The following PTPRN2 variants were observed in gnomAD, a reference collection of about 807,000 sequenced individuals.
PTPRN2 encodes the protein protein tyrosine phosphatase receptor type N2, also known as receptor-type tyrosine-protein phosphatase N2.
A neutral mutation model predicts 118.8 loss-of-function variants in PTPRN2; 74 were observed. The observed-to-expected ratio is 0.62, with a 90% CI of 0.52 to 0.76. The LOEUF is 0.76. Among genes scored for constraint, PTPRN2 ranks in the 30% least tolerant of loss-of-function variants. The probability of loss-of-function intolerance (pLI) is 0.00; values close to 1 mark genes in which losing one functional copy is unlikely to be tolerated. For synonymous variants in PTPRN2, 641 were observed against 608.0 expected (o/e 1.05, Z -0.80); for missense variants, 1,481 against 1,394.4 (o/e 1.06, Z -0.99).
chr7:157,702,138 C>T (rs953340879), intron 12 of PTPRN2, among the ~76,000 whole-genome samples: 1 of 147,546 alleles, frequency 6.8e-6, no homozygotes, highest in East Asian at 2.0e-4. Flanking sequence ...TGTGTGAAAG[C>T]CCGGTCGGTC....
chr7:158,257,657 T>C (rs1331015161), intron 3 of PTPRN2, among the ~76,000 whole-genome samples: 1 of 152,144 alleles, frequency 6.6e-6, no homozygotes, highest in East Asian at 1.9e-4. Context: ...TCAGCCTGGG[T>C]CTCACCCACT....
chr7:158,262,674 TCA>T (rs202001119), intron 3 of PTPRN2, among the ~76,000 whole-genome samples: 16,429 of 133,796 alleles, frequency 0.12, 958 homozygotes, highest in African/African-American at 0.17. Context: ...GCACGCACAT[TCA>T]CACATACACA....
At position 157,831,914 on chromosome 7, in the gene PTPRN2, A is replaced by C. The variant is rs1401513949; in HGVS notation, c.1788+66759T>G. On this transcript the variant is annotated intron_variant, in intron 12 of 22. Coordinates refer to ENST00000389418, the MANE Select transcript of PTPRN2 (RefSeq NM_002847.5). The surrounding 1 kb of genome is among the most constrained non-coding windows in gnomAD (Gnocchi z 4.8). The stretch of plus-strand genomic sequence containing the variant: ...TGGGGGAGGGCAGTTATGGAGCTCC[A>C]GAGCGGGGTAAGTTGTTGGAAAACG... Among the ~76,000 whole-genome samples the C allele has an allele frequency of 1.3e-5, 2 of 152,236 alleles. No homozygotes were observed. The highest frequency in any genetic ancestry group is 2.4e-5 in the African/African-American group (1 of 41,458).
chr7:158,023,049 A>G (rs1807015166), intron 11 of PTPRN2, among the ~76,000 whole-genome samples: 1 of 152,228 alleles, frequency 6.6e-6, no homozygotes, highest in Admixed American at 6.5e-5. Flanking sequence ...ATAAACAAAA[A>G]TCACGGCACA....
chr7:157,767,072 C>T (rs1246652463), intron 12 of PTPRN2, among the ~76,000 whole-genome samples: 1 of 152,178 alleles, frequency 6.6e-6, no homozygotes, highest in Non-Finnish European at 1.5e-5. Context: ...ACAGCTCCCC[C>T]TGCAGGGTAG....
At chr7:157,776,439 T>TCCCTCTCCTCCTCTCTCTCCA (rs1803265084) in intron 12 of PTPRN2, among the ~76,000 whole-genome samples, 1 of 7,052 alleles carries the variant, frequency 1.4e-4, no homozygotes, top group African/African-American at 4.0e-4. Context: ...CTGTCTCTCC[T>TCCCTCTCCTCCTCTCTCTCCA]CTTCCTCACT....
chr7:157,811,332 T>TTTTATATATATATA (rs1424012856), intron 12 of PTPRN2, among the ~76,000 whole-genome samples: 3 of 131,296 alleles, frequency 2.3e-5, no homozygotes, highest in African/African-American at 8.5e-5. Context: ...ATCTACTCTA[T>TTTTATATATATATA]TATATATATA....
chr7:158,228,124 C>T (rs1203832716), intron 3 of PTPRN2, among the ~76,000 whole-genome samples: 6 of 152,160 alleles, frequency 3.9e-5, no homozygotes, highest in Non-Finnish European at 7.4e-5. Context: ...TTTACAAAGA[C>T]AGTTTAGAAA....
intron 12 of PTPRN2, among the ~76,000 whole-genome samples, chr7:157,708,941 T>A (rs777528446): frequency 2.6e-5 from 4 of 152,162 alleles, no homozygotes; most frequent in Non-Finnish European, 5.9e-5. Context: ...TACTAGAGCC[T>A]GCACCCCACC....
chr7:157,791,139 C>T (rs1420653723), intron 12 of PTPRN2, among the ~76,000 whole-genome samples: 1 of 152,122 alleles, frequency 6.6e-6, no homozygotes, highest in Non-Finnish European at 1.5e-5. Context: ...ACTCTGGCAT[C>T]GCCTGCAACA....
intron 12 of PTPRN2, among the ~76,000 whole-genome samples, chr7:157,883,684 T>C (rs1285055408): frequency 7.2e-6 from 1 of 138,728 alleles, no homozygotes; most frequent in Non-Finnish European, 1.5e-5. Context: ...ACCCCAAAAA[T>C]GACTGTCAGA....
chr7:158,341,514 C>G (rs1272978623), intron 2 of PTPRN2, among the ~76,000 whole-genome samples: 3 of 122,398 alleles, frequency 2.5e-5, no homozygotes, highest in Non-Finnish European at 1.8e-5. Flanking sequence ...AGACGTCACT[C>G]ACACCCACAC....
chr7:158,418,094 T>C (rs1259897832), intron 2 of PTPRN2, among the ~76,000 whole-genome samples: 1 of 150,840 alleles, frequency 6.6e-6, no homozygotes, highest in African/African-American at 2.5e-5. Flanking sequence ...TCCCACTGTG[T>C]TAAGTCACGG....
At chr7:157,850,864 A>G (rs546257771) in intron 12 of PTPRN2, among the ~76,000 whole-genome samples, 11 of 152,344 alleles carry the variant, frequency 7.2e-5, no homozygotes, top group Admixed American at 3.3e-4. Flanking sequence ...GTAAAATACA[A>G]TCTTCATGTG....
chr7:158,277,208 T>C (rs1235389255), intron 3 of PTPRN2, among the ~76,000 whole-genome samples: 1 of 152,240 alleles, frequency 6.6e-6, no homozygotes, highest in Non-Finnish European at 1.5e-5. Flanking sequence ...CTTGCACTGT[T>C]GCTTTAAGAA....
intron 12 of PTPRN2, among the ~76,000 whole-genome samples, chr7:157,731,972 GT>G (rs1441935775): frequency 6.0e-5 from 3 of 49,690 alleles, no homozygotes; most frequent in Admixed American, 2.2e-4. Context: ...ACCCTTTCCC[GT>G]CCCATGCGCC....
At position 158,493,812 on chromosome 7, in the gene PTPRN2, T is replaced by TACAC. The variant is rs368341453; in HGVS notation, c.113-4031_113-4028dup. Among the ~76,000 whole-genome samples, 143 of 50,820 alleles carry TACAC rather than the reference T, an allele frequency of 2.8e-3. 18 individuals are homozygous for TACAC. The highest frequency in any genetic ancestry group is 0.014 in the Middle Eastern group (1 of 70). The allele number at this position is 50,820 out of a possible 152,430, so 33.3% of individuals were successfully genotyped here. On this transcript the variant is annotated intron_variant, in intron 1 of 22. Coordinates refer to ENST00000389418, the MANE Select transcript of PTPRN2 (RefSeq NM_002847.5). ...ACAGGCACACTCATGCCTGCACACATACACGCACACCTGCATGCATACACA... is the reference window on the plus strand; with the variant it reads ...ACAGGCACACTCATGCCTGCACACATACACACACGCACACCTGCATGCATACACA...
At chr7:157,722,979 C>T (rs1799328796) in intron 12 of PTPRN2, among the ~76,000 whole-genome samples, 1 of 152,228 alleles carries the variant, frequency 6.6e-6, no homozygotes, top group Admixed American at 6.5e-5. Context: ...CATTTTGCGT[C>T]CCTGGCTCAA....
At chr7:157,912,830 C>G (rs1798174984) in intron 11 of PTPRN2, among the ~76,000 whole-genome samples, 1 of 152,200 alleles carries the variant, frequency 6.6e-6, no homozygotes, top group African/African-American at 2.4e-5. Flanking sequence ...TGGGTTCCCT[C>G]TGTTCCTGGC....
Sources: allele counts gnomAD v4.1 joint callset (sites outside exome capture counted in the v4.1 genomes callset), GRCh38; gene constraint gnomAD v4.1.1; non-coding constraint Gnocchi (gnomAD v3.1); transcripts MANE v1.5; gene names NCBI Gene and HGNC (gene_info 2026-07-23, HGNC 2026-07-21).